Variants in STARD8 observed in about 807,000 individuals in gnomAD.
STARD8 encodes stAR-related lipid transfer protein 8.
A neutral mutation model predicts 69.4 loss-of-function variants in STARD8; 25 were observed. The observed-to-expected ratio is 0.36, with a 90% CI of 0.26 to 0.50. The LOEUF (loss-of-function observed/expected upper bound fraction) is 0.50, where lower values mean the gene tolerates loss of function less well. Among genes scored for constraint, STARD8 ranks in the 20% least tolerant of loss-of-function variants. The pLI is 0.96. For missense variants in STARD8, 921 were observed against 932.5 expected (o/e 0.99, Z 0.16); for synonymous variants, 389 against 374.6 (o/e 1.04, Z -0.45).
At chrX:68,670,736 T>C (rs374568801) in intron 2 of STARD8, among the ~76,000 whole-genome samples, 14 of 111,191 alleles carry the variant, frequency 1.3e-4, no homozygotes, top group African/African-American at 4.6e-4. Flanking sequence ...CTAAAGATCA[T>C]AATTCTTTAT....
chrX:68,717,844 C>T lies in STARD8; in HGVS notation c.930C>T (p.Phe310=). ...CTGGGGACCACAAACCAGGCACATT[C>T]CCTCGCTCCCTGTCCATTGAGAGCC... is the stretch of plus-strand genomic sequence containing the variant. ...HVPGDHKPGT[F]PRSLSIESLC... is the part of the protein sequence containing the mutation. The change falls in exon 6 of 15, where the codon TTC becomes TTT. Residue 310 remains phenylalanine (F), a synonymous_variant. Transcript: ENST00000374599. 1 of 1,210,268 alleles carries T rather than the reference C, an allele frequency of 8.3e-7. No homozygotes were observed. Among genetic ancestry groups the T allele is most frequent in the South Asian group, 1.8e-5 (1 of 56,657 alleles).
intron 2 of STARD8, among the ~76,000 whole-genome samples, chrX:68,675,483 TC>T (rs1487823562): frequency 2.0e-4 from 21 of 104,624 alleles, no homozygotes; most frequent in African/African-American, 7.5e-4. Flanking sequence ...GTGGGAGTGC[TC>T]TATAAGATCC....
At chrX:68,661,628 A>G (rs1784790409) in intron 1 of STARD8, among the ~76,000 whole-genome samples, 1 of 111,042 alleles carries the variant, frequency 9.0e-6, no homozygotes, top group African/African-American at 3.3e-5. Context: ...CCCCCCGTAT[A>G]CCCCCAAATA....
At position 68,684,333 on chromosome X, in the gene STARD8, T is replaced by C. The variant is rs191277395; in HGVS notation, c.79+18801T>C. Among the ~76,000 whole-genome samples, 10 of 112,553 alleles carry C rather than the reference T, an allele frequency of 8.9e-5. No individual in the cohort carries two copies. The East Asian group carries it at 2.8e-3, about 32-fold the overall frequency. ...CAAGTGAATCTTCGGAGCTCTTTCA[T>C]ATCACTGTTCTGGCTGGAGCTGAAG... On this transcript the variant is annotated intron_variant, in intron 2 of 14. Coordinates refer to ENST00000374599, the MANE Select transcript of STARD8 (RefSeq NM_001142503.3).
chrX:68,650,897 A>G (rs780507419), intron 1 of STARD8, among the ~76,000 whole-genome samples: 2 of 112,852 alleles, frequency 1.8e-5, no homozygotes, highest in South Asian at 7.4e-4. Flanking sequence ...TGGGTCCCAG[A>G]CGTTTGCACG....
chrX:68,720,169 C>T (rs1602615667), intron 7 of STARD8, 95 bp from the exon 8 acceptor site: 3 of 1,008,982 alleles, frequency 3.0e-6, no homozygotes, highest in South Asian at 2.8e-5. Context: ...TGGTGTGTGC[C>T]TTACCCCCCT....
intron 2 of STARD8, among the ~76,000 whole-genome samples, chrX:68,676,867 T>G (rs181734547): frequency 1.8e-5 from 2 of 111,081 alleles, no homozygotes; most frequent in Admixed American, 1.9e-4. Context: ...AATGTGAGGT[T>G]GGGCTTGGTG....
chrX:68,673,122 C>T (rs1375269914), intron 2 of STARD8, among the ~76,000 whole-genome samples: 1 of 111,964 alleles, frequency 8.9e-6, no homozygotes, highest in Non-Finnish European at 1.9e-5. Flanking sequence ...TTTGATCTCA[C>T]TACCATTATC....
At chrX:68,676,559 T>G (rs1457624849) in intron 2 of STARD8, among the ~76,000 whole-genome samples, 1 of 112,120 alleles carries the variant, frequency 8.9e-6, no homozygotes, top group East Asian at 2.8e-4. Flanking sequence ...CTCAACCTGT[T>G]TAGCCCTCTG....
At chrX:68,668,623 G>A (rs189389032) in intron 2 of STARD8, among the ~76,000 whole-genome samples, 1 of 111,240 alleles carries the variant, frequency 9.0e-6, no homozygotes, top group African/African-American at 3.3e-5. Flanking sequence ...CCTTATAGGA[G>A]AGCATTAGGA....
At chrX:68,709,504 G>A (rs187247543) in intron 2 of STARD8, among the ~76,000 whole-genome samples, 5 of 112,077 alleles carry the variant, frequency 4.5e-5, no homozygotes, top group African/African-American at 1.3e-4. Flanking sequence ...AATGCTCTCA[G>A]TAGCTATAAG....
intron 2 of STARD8, among the ~76,000 whole-genome samples, chrX:68,672,370 CA>C (rs2147886307): frequency 8.9e-6 from 1 of 112,116 alleles, no homozygotes; most frequent in East Asian, 2.8e-4. Flanking sequence ...TGCACAACAG[CA>C]TAGAGCTAGT....
At chrX:68,692,304 T>G (rs1250326455) in intron 2 of STARD8, among the ~76,000 whole-genome samples, 1 of 112,007 alleles carries the variant, frequency 8.9e-6, no homozygotes, top group Non-Finnish European at 1.9e-5. Context: ...GAGGGATACA[T>G]GGGACACACA....
Position 68,723,809 on chromosome X carries a change from G to A in STARD8, c.2983G>A (p.Ala995Thr). The A allele has an allele frequency of 8.4e-7, 1 of 1,185,894 alleles. No homozygotes were observed. Among genetic ancestry groups the A allele is most frequent in the African/African-American group, 1.8e-5 (1 of 57,137 alleles). The change falls in exon 13 of 15, where the codon GCA (alanine) becomes ACA (threonine). Residue 995 changes from alanine (A) to threonine (T), a missense_variant. Ala to Thr is a moderately conservative substitution (Grantham distance 58). Transcript: ENST00000374599. ...GTACCACTATGTCACCGACAGCATG[G>A]CACCCCATCCCTGCCGCGACTTTGT... Reference protein sequence around the residue: ...ELYHYVTDSMAPHPCRDFVVL... With the variant: ...ELYHYVTDSMTPHPCRDFVVL...
rs752247111 is a variant in STARD8 at position 68,724,301 on chromosome X, C to T, written c.3195-4C>T. 8.3e-7 allele frequency: 1 copy of T among 1,209,367 alleles called. No individual in the cohort carries two copies. Among genetic ancestry groups the T allele is most frequent in the East Asian group, 3.0e-5 (1 of 33,806 alleles). ...CTCATGCCTGGTTTCTTCTGCTTCC[C>T]TAGGGGCCGTTCTCCTGACTGGTAC... On this transcript the variant is annotated splice_region_variant and splice_polypyrimidine_tract_variant and intron_variant, in intron 14 of 14. Transcript: ENST00000374599.
At chrX:68,653,197 A>C in intron 1 of STARD8, among the ~76,000 whole-genome samples, 1 of 14,617 alleles carries the variant, frequency 6.8e-5, no homozygotes, top group Non-Finnish European at 1.2e-4. Flanking sequence ...CACACACATC[A>C]CACACACACC....
At position 68,668,262 on chromosome X, in the gene STARD8, CTTTCTTTCTTTCTCTT is replaced by C. The variant is rs780258790; in HGVS notation, c.79+2732_79+2747del. ...TCTTTCTTTCTTTCTTTCTTTCTTT[CTTTCTTTCTTTCTCTT>C]TCTTTCTTTCTTTCTTTCTTTCTTC... On this transcript the variant is annotated intron_variant, in intron 2 of 14. Coordinates refer to ENST00000374599, the MANE Select transcript of STARD8 (RefSeq NM_001142503.3). Among the ~76,000 whole-genome samples the C allele has an allele frequency of 1.4e-3, 118 of 82,065 alleles. 1 individual carries two copies. The highest frequency in any genetic ancestry group is 5.0e-3 in the African/African-American group (91 of 18,321). The allele number at this position is 82,065 out of a possible 115,157, so 71.3% of individuals were successfully genotyped here.
At chrX:68,661,175 C>T (rs187009841) in intron 1 of STARD8, among the ~76,000 whole-genome samples, 59 of 111,752 alleles carry the variant, frequency 5.3e-4, no homozygotes, top group Admixed American at 1.5e-3. Context: ...GTCCTAGAGC[C>T]TGGAGGCTGA....
chrX:68,656,549 A>T (rs1313974654), intron 1 of STARD8: 1 of 112,123 alleles, frequency 8.9e-6, no homozygotes, highest in Non-Finnish European at 1.9e-5. Flanking sequence ...ATAAAGACAC[A>T]TGCACGCATA....
Sources: allele counts gnomAD v4.1 joint callset (sites outside exome capture counted in the v4.1 genomes callset), GRCh38; gene constraint gnomAD v4.1.1; transcripts MANE v1.5; gene names NCBI Gene and HGNC (gene_info 2026-07-23, HGNC 2026-07-21).